KRABD1: variants seen among roughly 807,000 people sequenced by gnomAD.
KRABD1 encodes the protein KRAB domain-containing protein 1.
chr3:42,936,728 C>G, the KRABD1 span: 2 of 152,268 alleles, frequency 1.3e-5, no homozygotes, highest in African/African-American at 2.4e-5. Flanking sequence ...ACTCCAGAAT[C>G]TTCTATCAAC....
At chr3:42,941,875 T>G in the KRABD1 span, 1 of 824,300 alleles carries the variant, frequency 1.2e-6, no homozygotes. Flanking sequence ...TCACCTCCCT[T>G]GCTTGTTCTT....
the KRABD1 span, chr3:42,941,364 C>G: frequency 1.9e-6 from 3 of 1,572,718 alleles, no homozygotes; most frequent in East Asian, 2.3e-5. Flanking sequence ...TAAGGCCTCT[C>G]TGCTGCTGGT....
the KRABD1 span, chr3:42,937,098 A>G: frequency 6.6e-6 from 1 of 152,216 alleles, no homozygotes; most frequent in Non-Finnish European, 1.5e-5. Context: ...TCCTATGTAC[A>G]GGATTGGAGA....
the KRABD1 span, among the ~76,000 whole-genome samples, chr3:42,940,794 A>G: frequency 6.6e-6 from 1 of 152,242 alleles, no homozygotes; most frequent in Non-Finnish European, 1.5e-5. Flanking sequence ...GAATGAAAGT[A>G]GAATTGGAAA....
At chr3:42,939,560 C>T in the KRABD1 span, among the ~76,000 whole-genome samples, 27 of 152,204 alleles carry the variant, frequency 1.8e-4, no homozygotes, top group Admixed American at 3.3e-4. Context: ...ATGCTTCTTT[C>T]TCTTGGGTAT....
chr3:42,937,941 A>T, the KRABD1 span: 1 of 152,220 alleles, frequency 6.6e-6, no homozygotes, highest in Non-Finnish European at 1.5e-5. Context: ...CTATGAGTAT[A>T]TGCACTTTTA....
At chr3:42,937,176 T>TAAA in the KRABD1 span, 12 of 152,216 alleles carry the variant, frequency 7.9e-5, no homozygotes, top group Non-Finnish European at 1.5e-4. Flanking sequence ...TCTGAACTTT[T>TAAA]ACTCCACTGT....
the KRABD1 span, chr3:42,937,405 T>C: frequency 6.6e-6 from 1 of 152,250 alleles, no homozygotes; most frequent in African/African-American, 2.4e-5. Context: ...TTTCGCAGAT[T>C]GTCAGCTGTG....
the KRABD1 span, chr3:42,941,887 T>A: frequency 2.1e-6 from 2 of 931,652 alleles, no homozygotes; most frequent in East Asian, 5.3e-5. Context: ...CTTGTTCTTG[T>A]AGCCACAGGC....
chr3:42,939,515 A>G, the KRABD1 span, among the ~76,000 whole-genome samples: 1 of 152,310 alleles, frequency 6.6e-6, no homozygotes, highest in East Asian at 1.9e-4. Flanking sequence ...ATGAATAAGA[A>G]TGCAGTGAAC....
the KRABD1 span, chr3:42,941,080 A>C: frequency 3.3e-6 from 2 of 605,782 alleles, no homozygotes; most frequent in Non-Finnish European, 2.6e-6. Context: ...TCCACACCTA[A>C]ATTTTACACA....
chr3:42,941,938 G>A, the KRABD1 span: 1 of 1,440,462 alleles, frequency 6.9e-7, no homozygotes, highest in Non-Finnish European at 9.4e-7. Flanking sequence ...ATTGTGTTAT[G>A]TTTTCTTCTT....
At chr3:42,941,850 C>T in the KRABD1 span, 45 of 704,624 alleles carry the variant, frequency 6.4e-5, 1 homozygote, top group South Asian at 5.2e-4. Flanking sequence ...ATAGCTCACC[C>T]GGGAATTACT....
chr3:42,938,665 G>T, the KRABD1 span: 1 of 402,182 alleles, frequency 2.5e-6, no homozygotes, highest in Non-Finnish European at 4.6e-6. Context: ...TCATTCCGTG[G>T]ATGATTCTAC....
the KRABD1 span, chr3:42,941,352 G>T: frequency 5.0e-6 from 8 of 1,587,600 alleles, no homozygotes; most frequent in African/African-American, 9.4e-5. Flanking sequence ...GGCCTTTGTA[G>T]GTAAGGCCTC....
At chr3:42,938,811 A>C in the KRABD1 span, 1 of 960,404 alleles carries the variant, frequency 1.0e-6, no homozygotes, top group South Asian at 1.5e-5. Context: ...TATGGTCAAT[A>C]AAGTTATTAT....
the KRABD1 span, chr3:42,942,684 G>A: frequency 2.6e-6 from 2 of 766,346 alleles, no homozygotes; most frequent in East Asian, 5.7e-5. Context: ...CAAGTAAGGA[G>A]TTGATGTAAG....
At chr3:42,941,404 C>T in the KRABD1 span, 7 of 1,494,358 alleles carry the variant, frequency 4.7e-6, no homozygotes, top group Non-Finnish European at 8.9e-7. Context: ...TTGAAGGGCT[C>T]TTTTATAATT....
the KRABD1 span, chr3:42,942,469 C>G: frequency 6.3e-5 from 30 of 473,930 alleles, no homozygotes; most frequent in African/African-American, 3.6e-4. Context: ...AATATATTAA[C>G]AATTTTAAAT....
Sources: gnomAD v4.1 joint callset for allele counts (sites outside exome capture counted in the v4.1 genomes callset) on GRCh38, gnomAD v4.1.1 for gene constraint, MANE v1.5 for transcripts, NCBI Gene and HGNC (gene_info 2026-07-23, HGNC 2026-07-21) for gene names.